Variants in ERG observed in about 807,000 individuals in gnomAD.
ERG encodes the protein ETS transcription factor ERG.
ERG carries 9 observed loss-of-function variants against 55.3 expected under a neutral mutation model. The observed-to-expected ratio is 0.16, with a 90% CI of 0.10 to 0.28. The LOEUF is 0.28. Ranked by LOEUF, ERG falls within the 10% of genes least tolerant of loss-of-function variation. The pLI is 1.00. For missense variants in ERG, 434 were observed against 631.6 expected, an observed-to-expected ratio of 0.69 and a Z score of 3.35; for synonymous variants, 223 against 237.3, an observed-to-expected ratio of 0.94 and a Z score of 0.55.
the ERG span, among the ~76,000 whole-genome samples, chr21:38,371,119 C>T: frequency 3.9e-5 from 6 of 152,092 alleles, no homozygotes; most frequent in African/African-American, 1.2e-4. Flanking sequence ...TCCCATAAAG[C>T]TCTTGCATAT....
intron 1 of ERG, among the ~76,000 whole-genome samples, chr21:38,614,459 C>T (rs1248024349): frequency 1.3e-5 from 2 of 152,158 alleles, no homozygotes; most frequent in Non-Finnish European, 2.9e-5. Context: ...CCTGCTCTTC[C>T]TCTTAGGGAC....
At chr21:38,621,307 G>C (rs537695750) in intron 1 of ERG, among the ~76,000 whole-genome samples, 236 of 152,354 alleles carry the variant, frequency 1.5e-3, no homozygotes, top group African/African-American at 5.6e-3. Context: ...CCTGGCAGTA[G>C]AGAGCGCACT....
At position 38,460,161 on chromosome 21, in the gene ERG, G is replaced by A. The variant is rs1221799203; in HGVS notation, c.19-14540C>T. ...AGCTAGAACAAGGCCAGAGTGGACT[G>A]CGGGGGCTGCACGAGGAACAATGGG... On this transcript the variant is annotated intron_variant, in intron 1 of 9. Transcript: ENST00000288319. The surrounding 1 kb of genome is among the most constrained non-coding windows in gnomAD (Gnocchi z 5.0). Among the ~76,000 whole-genome samples, 1 of 152,194 alleles carries A rather than the reference G, an allele frequency of 6.6e-6. No individual in the cohort carries two copies. The highest frequency in any genetic ancestry group is 1.9e-4 in the East Asian group (1 of 5,184).
upstream of ERG, among the ~76,000 whole-genome samples, chr21:38,503,307 A>C (rs1018180903): frequency 6.6e-6 from 1 of 152,196 alleles, no homozygotes; most frequent in African/African-American, 2.4e-5. Flanking sequence ...TGTAGGTGTC[A>C]AACCTTTTAG....
chr21:38,371,414 C>G, the ERG span, among the ~76,000 whole-genome samples: 1 of 151,944 alleles, frequency 6.6e-6, no homozygotes, highest in South Asian at 2.1e-4. Flanking sequence ...TGGTGAGCCT[C>G]CAAACCTATG....
chr21:38,438,852 G>A (rs556700039), intron 2 of ERG, among the ~76,000 whole-genome samples: 43 of 152,294 alleles, frequency 2.8e-4, no homozygotes, highest in African/African-American at 8.9e-4. Flanking sequence ...CAGACTACCA[G>A]GCATCGGAAT....
intron 1 of ERG, chr21:38,472,115 G>A (rs888476954): frequency 2.0e-5 from 3 of 152,118 alleles, no homozygotes; most frequent in African/African-American, 7.2e-5. Context: ...GTAAAACCCA[G>A]GAGGGCAGAG....
At chr21:38,571,087 AT>A (rs962486586) in intron 2 of ERG, among the ~76,000 whole-genome samples, 3 of 151,984 alleles carry the variant, frequency 2.0e-5, no homozygotes, top group Admixed American at 6.6e-5. Flanking sequence ...TGGATTTGCT[AT>A]TTTTTTTGTC....
At chr21:38,650,372 C>G (rs111319121) in intron 1 of ERG, among the ~76,000 whole-genome samples, 5 of 152,086 alleles carry the variant, frequency 3.3e-5, no homozygotes, top group Non-Finnish European at 5.9e-5. Flanking sequence ...CACGGTGGCT[C>G]AGCCTGTAAT....
chr21:38,424,903 G>T (rs1437823696), intron 2 of ERG, among the ~76,000 whole-genome samples: 1 of 152,322 alleles, frequency 6.6e-6, no homozygotes, highest in East Asian at 1.9e-4. Flanking sequence ...GCAGAGAGGG[G>T]TCAGCTACTG....
chr21:38,387,493 T>C (rs1569056682), intron 9 of ERG, among the ~76,000 whole-genome samples: 2 of 152,292 alleles, frequency 1.3e-5, no homozygotes, highest in Admixed American at 6.5e-5. Flanking sequence ...TGTGGGACGT[T>C]TGGCAACTCT....
chr21:38,431,859 G>A (rs1391148479), intron 2 of ERG, among the ~76,000 whole-genome samples: 1 of 152,192 alleles, frequency 6.6e-6, no homozygotes, highest in Non-Finnish European at 1.5e-5. Flanking sequence ...CGTAGCTGGT[G>A]GCAGAGCAGG....
the ERG span, among the ~76,000 whole-genome samples, chr21:38,373,687 A>G: frequency 6.6e-6 from 1 of 152,186 alleles, no homozygotes; most frequent in Admixed American, 6.6e-5. Flanking sequence ...GGGGACAGGA[A>G]TTCTGCAAGA....
chr21:38,641,115 T>C (rs1331309837), intron 1 of ERG, among the ~76,000 whole-genome samples: 2 of 152,202 alleles, frequency 1.3e-5, no homozygotes, highest in Non-Finnish European at 2.9e-5. Context: ...CCCATGCTCA[T>C]TGCATGTACC....
chr21:38,595,765 G>A (rs1395425519), intron 1 of ERG, among the ~76,000 whole-genome samples: 1 of 152,112 alleles, frequency 6.6e-6, no homozygotes, highest in Non-Finnish European at 1.5e-5. Flanking sequence ...GCACCTGGAG[G>A]GCAAACCCTT....
At chr21:38,439,935 A>AG (rs2058824409) in intron 2 of ERG, among the ~76,000 whole-genome samples, 1 of 152,158 alleles carries the variant, frequency 6.6e-6, no homozygotes, top group East Asian at 1.9e-4. Flanking sequence ...GGATGGACAG[A>AG]GGGCACTATT....
Position 38,477,468 on chromosome 21 carries a change from A to G in ERG, c.18+20895T>C, listed in dbSNP as rs1205435598. Among the ~76,000 whole-genome samples, 4 of 152,082 alleles carry G rather than the reference A, an allele frequency of 2.6e-5. No homozygotes were observed. In the East Asian group the frequency reaches 7.7e-4, roughly 29 times the overall value. ...GGTTTTCATGGGGAGCAAACCTGTGATCTTGCCTTTATCAGCATTTGCCGT... is the reference window on the plus strand; with the variant it reads ...GGTTTTCATGGGGAGCAAACCTGTGGTCTTGCCTTTATCAGCATTTGCCGT... On this transcript the variant is annotated intron_variant, in intron 1 of 9. Transcript: ENST00000288319.
intron 9 of ERG, among the ~76,000 whole-genome samples, chr21:38,389,399 TTTGA>T (rs972610254): frequency 6.6e-6 from 1 of 152,056 alleles, no homozygotes; most frequent in African/African-American, 2.4e-5. Flanking sequence ...ATGGGAGCTG[TTTGA>T]TTGTTATTTC....
chr21:38,434,826 T>C (rs1001289801), intron 2 of ERG, among the ~76,000 whole-genome samples: 2 of 152,264 alleles, frequency 1.3e-5, no homozygotes, highest in African/African-American at 2.4e-5. Context: ...TGCATGTGCA[T>C]GGCTGTGCAT....
Sources: gnomAD v4.1 joint callset for allele counts (sites outside exome capture counted in the v4.1 genomes callset) on GRCh38, gnomAD v4.1.1 for gene constraint, Gnocchi (gnomAD v3.1) non-coding constraint, MANE v1.5 for transcripts, NCBI Gene and HGNC (gene_info 2026-07-23, HGNC 2026-07-21) for gene names.